Variants in CCDC102B observed in about 807,000 individuals in gnomAD.
The protein encoded by CCDC102B is coiled-coil domain containing 102B, also known as coiled-coil domain-containing protein 102B.
A neutral mutation model predicts 57.4 loss-of-function variants in CCDC102B; 75 were observed. The observed-to-expected ratio is 1.31, with a 90% confidence interval of 1.08 to 1.58. The LOEUF is 1.58. Ranked by LOEUF, CCDC102B falls within the 40% of genes most tolerant of loss-of-function variation. CCDC102B has a pLI of 0.00. For synonymous variants in CCDC102B, 206 were observed against 201.9 expected (o/e 1.02, Z -0.17); for missense variants, 636 against 582.6 (o/e 1.09, Z -0.94).
intron 2 of CCDC102B, among the ~76,000 whole-genome samples, chr18:68,732,385 A>G (rs1455339008): frequency 1.3e-5 from 2 of 149,466 alleles, no homozygotes; most frequent in African/African-American, 4.9e-5. Flanking sequence ...TTGCTCTGTC[A>G]CCCAGGCTGG....
chr18:68,748,207 TGTGTGTGTGTGTG>T (rs1224292542), intron 2 of CCDC102B, among the ~76,000 whole-genome samples: 1 of 16,360 alleles, frequency 6.1e-5, no homozygotes, highest in Non-Finnish European at 1.3e-4. Context: ...ATTAAACTGG[TGTGTGTGTGTGTG>T]TGTGTGTGTG....
chr18:68,882,834 G>A (rs1208052765), intron 5 of CCDC102B, among the ~76,000 whole-genome samples: 1 of 152,112 alleles, frequency 6.6e-6, no homozygotes, highest in Non-Finnish European at 1.5e-5. Context: ...CATGTCCTTT[G>A]CAGGGACATG....
intron 4 of CCDC102B, among the ~76,000 whole-genome samples, chr18:68,847,603 A>G (rs189237971): frequency 6.6e-6 from 1 of 151,968 alleles, no homozygotes; most frequent in African/African-American, 2.4e-5. Flanking sequence ...AATGTTTTAT[A>G]TTCAAATATG....
chr18:68,914,979 GAGAGAGAGAGAGAGAGACAGACAGAA>G (rs2041014102), intron 6 of CCDC102B, among the ~76,000 whole-genome samples: 2 of 151,124 alleles, frequency 1.3e-5, no homozygotes, highest in African/African-American at 4.9e-5. Flanking sequence ...TGGGGGGAGA[GAGAGAGAGAGAGAGAGACAGACAGAA>G]AGAGAGAGAG....
chr18:68,753,985 A>G (rs1183946389), intron 2 of CCDC102B: 1 of 152,136 alleles, frequency 6.6e-6, no homozygotes, highest in East Asian at 1.9e-4. Flanking sequence ...AACACTCCAT[A>G]TGGGTTGTGT....
At chr18:69,057,478 C>G (rs1384395468), downstream of CCDC102B, among the ~76,000 whole-genome samples, 1 of 151,960 alleles carries the variant, frequency 6.6e-6, no homozygotes, top group Admixed American at 6.6e-5. Context: ...CTGGGCCTCT[C>G]CCTTGTTCCA....
chr18:68,992,614 C>A (rs951511082), intron 6 of CCDC102B: 3 of 152,452 alleles, frequency 2.0e-5, no homozygotes, highest in African/African-American at 7.2e-5. Flanking sequence ...GCCCCCATCC[C>A]CCGCCCAAAC....
chr18:68,829,553 A>G (rs1459920996), intron 1 of CCDC102B, among the ~76,000 whole-genome samples: 1 of 152,014 alleles, frequency 6.6e-6, no homozygotes, highest in Non-Finnish European at 1.5e-5. Context: ...CACTCTTCAA[A>G]CTTCGTGAAG....
intron 6 of CCDC102B, among the ~76,000 whole-genome samples, chr18:68,927,464 T>C (rs2145128178): frequency 6.6e-6 from 1 of 151,986 alleles, no homozygotes; most frequent in Admixed American, 6.6e-5. Flanking sequence ...AGTTTTTACC[T>C]CCCCTGTTTT....
intron 6 of CCDC102B, among the ~76,000 whole-genome samples, chr18:68,957,931 C>T (rs539951804): frequency 7.2e-4 from 110 of 152,062 alleles, no homozygotes; most frequent in African/African-American, 2.6e-3. Context: ...TGTATTTGTC[C>T]GTTTTCAAGC....
At chr18:68,725,809 C>A (rs2032567959) in intron 2 of CCDC102B, among the ~76,000 whole-genome samples, 1 of 152,164 alleles carries the variant, frequency 6.6e-6, no homozygotes, top group African/African-American at 2.4e-5. Flanking sequence ...ATTGACTGAG[C>A]AGACTATGGG....
intron 6 of CCDC102B, among the ~76,000 whole-genome samples, chr18:68,960,032 CT>C (rs1568355104): frequency 6.6e-6 from 1 of 152,176 alleles, no homozygotes; most frequent in Non-Finnish European, 1.5e-5. Flanking sequence ...GTCCCCTTCA[CT>C]CTTTTCTCTT....
At chr18:68,750,921 A>T (rs2033822600) in intron 2 of CCDC102B, among the ~76,000 whole-genome samples, 1 of 152,076 alleles carries the variant, frequency 6.6e-6, no homozygotes. Context: ...CACGTTGTGC[A>T]CATGTACCCT....
At chr18:68,810,134 T>A (rs2036187870) in intron 1 of CCDC102B, among the ~76,000 whole-genome samples, 1 of 152,192 alleles carries the variant, frequency 6.6e-6, no homozygotes, top group Admixed American at 6.5e-5. Context: ...AATCTTTAAA[T>A]AGAGTGCATA....
At chr18:68,884,163 C>G (rs868760065) in intron 5 of CCDC102B, among the ~76,000 whole-genome samples, 2 of 152,058 alleles carry the variant, frequency 1.3e-5, no homozygotes, top group South Asian at 4.2e-4. Flanking sequence ...TCCTCCTCTG[C>G]GAATATACAT....
At chr18:69,052,788 A>G (rs1340168469) in intron 7 of CCDC102B, among the ~76,000 whole-genome samples, 1 of 151,786 alleles carries the variant, frequency 6.6e-6, no homozygotes, top group African/African-American at 2.4e-5. Context: ...CTAATCAAAA[A>G]TATTTTTTAA....
At chr18:68,822,401 G>GGA (rs2036727166) in intron 1 of CCDC102B, among the ~76,000 whole-genome samples, 2 of 147,276 alleles carry the variant, frequency 1.4e-5, no homozygotes, top group Non-Finnish European at 3.0e-5. Flanking sequence ...TTCAAAAAAA[G>GGA]AAAAAAAAAA....
intron 7 of CCDC102B, among the ~76,000 whole-genome samples, chr18:69,052,142 C>A (rs1217052956): frequency 6.6e-6 from 1 of 150,832 alleles, no homozygotes; most frequent in Non-Finnish European, 1.5e-5. Context: ...TGAATATATA[C>A]AGAAAAAAAG....
intron 6 of CCDC102B, among the ~76,000 whole-genome samples, chr18:69,001,061 G>C (rs1437165844): frequency 6.6e-6 from 1 of 152,148 alleles, no homozygotes; most frequent in African/African-American, 2.4e-5. Flanking sequence ...ATGCACTGCA[G>C]TTCAGGCCCC....
Sources: allele counts gnomAD v4.1 joint callset (sites outside exome capture counted in the v4.1 genomes callset), GRCh38; gene constraint gnomAD v4.1.1; transcripts MANE v1.5; gene names NCBI Gene and HGNC (gene_info 2026-07-23, HGNC 2026-07-21).